The following VPS13B variants were observed in gnomAD, a reference collection of about 807,000 sequenced individuals.
VPS13B encodes the protein intermembrane lipid transfer protein VPS13B.
VPS13B carries 285 observed loss-of-function variants against 426.4 expected under a neutral mutation model. The observed-to-expected ratio is 0.67, with a 90% CI of 0.61 to 0.74. VPS13B has a LOEUF of 0.74. Ranked by LOEUF, VPS13B falls within the 30% of genes least tolerant of loss-of-function variation. VPS13B has a pLI of 0.00. For synonymous variants in VPS13B, 1,676 were observed against 1,676.4 expected (o/e 1.00, Z 0.01); for missense variants, 4,537 against 4,782.6 (o/e 0.95, Z 1.51).
chr8:99,477,629 T>C (rs1401343882), intron 24 of VPS13B, among the ~76,000 whole-genome samples: 1 of 152,220 alleles, frequency 6.6e-6, no homozygotes, highest in African/African-American at 2.4e-5. Flanking sequence ...GTGACCCTTG[T>C]ACACTATTGA....
intron 19 of VPS13B, among the ~76,000 whole-genome samples, chr8:99,362,859 A>T (rs565204819): frequency 7.2e-5 from 11 of 152,302 alleles, no homozygotes; most frequent in African/African-American, 2.6e-4. Context: ...ATAGTATGGT[A>T]GCTCTATATT....
rs1035582438 is a variant in VPS13B, at chr8:99,541,189, A to G, written c.4746-15261A>G. On this transcript the variant is annotated intron_variant, in intron 30 of 61. Transcript: ENST00000357162. The stretch of plus-strand genomic sequence containing the variant: ...TTCTGGTATCAATTAAAACTTATAT[A>G]AGAATTTATAAACAGAATAGACAAT... 4.6e-5 allele frequency among the ~76,000 whole-genome samples: 7 copies of G among 152,180 alleles called. No homozygotes were observed. The South Asian group carries it at 6.2e-4, about 13-fold the overall frequency.
At chr8:99,238,631 T>G (rs1816760352) in intron 17 of VPS13B, among the ~76,000 whole-genome samples, 1 of 152,200 alleles carries the variant, frequency 6.6e-6, no homozygotes, top group African/African-American at 2.4e-5. Context: ...ATGTTAATAC[T>G]GACAGTTATT....
intron 35 of VPS13B, among the ~76,000 whole-genome samples, chr8:99,682,379 C>T (rs1012067185): frequency 1.3e-5 from 2 of 152,112 alleles, no homozygotes; most frequent in African/African-American, 4.8e-5. Flanking sequence ...ATTAGGCTAT[C>T]TAAAAATTAG....
chr8:99,781,753 C>T (rs998783988), intron 42 of VPS13B, among the ~76,000 whole-genome samples: 2 of 152,072 alleles, frequency 1.3e-5, no homozygotes, highest in African/African-American at 2.4e-5. Flanking sequence ...GCTCAAGCCC[C>T]ATCTGGTAAC....
intron 40 of VPS13B, among the ~76,000 whole-genome samples, chr8:99,775,500 G>T (rs1811695504): frequency 1.3e-5 from 2 of 152,216 alleles, no homozygotes; most frequent in African/African-American, 4.8e-5. Context: ...GCTCCTGTTA[G>T]CATTAATGCA....
intron 17 of VPS13B, among the ~76,000 whole-genome samples, chr8:99,214,365 G>A (rs1373285224): frequency 6.6e-6 from 1 of 152,040 alleles, no homozygotes; most frequent in African/African-American, 2.4e-5. Context: ...ATAGCTTATA[G>A]CCTTGTACTT....
rs1407032484 is a variant in VPS13B at position 99,418,523 on chromosome 8, T to TC, written c.3083-13013dup. ...TCTTTCTTTCTTTCTTTCCTTTCTT[T>TC]CTTTCTCTTTCTTTTCTTTTCTTTT... is the stretch of plus-strand genomic sequence containing the variant. On this transcript the variant is annotated intron_variant, in intron 21 of 61. Coordinates refer to ENST00000357162, the MANE Select transcript of VPS13B (RefSeq NM_152564.5). Among the ~76,000 whole-genome samples the TC allele has an allele frequency of 6.0e-3, 854 of 141,446 alleles. 2 individuals carry two copies. The highest frequency in any genetic ancestry group is 0.012 in the African/African-American group (433 of 37,270). The allele number at this position is 141,446 out of a possible 152,430, so 92.8% of individuals were successfully genotyped here. A position where few individuals can be genotyped will look rare whatever the true frequency, so the allele number is the denominator to read the frequency against.
intron 19 of VPS13B, among the ~76,000 whole-genome samples, chr8:99,282,528 G>A (rs969613364): frequency 1.2e-4 from 18 of 152,032 alleles, no homozygotes; most frequent in Non-Finnish European, 2.9e-5. Context: ...TACTTGGAAA[G>A]CTTTATACTT....
At chr8:99,481,844 A>G (rs1233770603) in intron 25 of VPS13B, 42 bp downstream of exon 25, 7 of 1,601,260 alleles carry the variant, frequency 4.4e-6, no homozygotes, top group Non-Finnish European at 5.1e-6. Flanking sequence ...GAAGGTTAAT[A>G]TATAACACAG....
At chr8:99,396,305 A>G (rs1326318262) in intron 21 of VPS13B, among the ~76,000 whole-genome samples, 1 of 152,198 alleles carries the variant, frequency 6.6e-6, no homozygotes, top group South Asian at 2.1e-4. Context: ...TATAATTAAG[A>G]CTATTGAGTC....
chr8:99,126,708 A>G (rs1217652640), intron 8 of VPS13B, among the ~76,000 whole-genome samples: 1 of 152,228 alleles, frequency 6.6e-6, no homozygotes, highest in Non-Finnish European at 1.5e-5. Flanking sequence ...ATATTTTGCT[A>G]TATTTTGAAC....
At chr8:99,740,277 A>C (rs1429363092) in intron 39 of VPS13B, among the ~76,000 whole-genome samples, 2 of 152,236 alleles carry the variant, frequency 1.3e-5, no homozygotes, top group African/African-American at 2.4e-5. Flanking sequence ...TAGAGAAAAA[A>C]GAATAAAAAG....
chr8:99,658,523 A>ATTAT lies in VPS13B; in HGVS notation c.5909-2811_5909-2808dup, dbSNP rs570386895. On this transcript the variant is annotated intron_variant, in intron 34 of 61. Coordinates refer to ENST00000357162, the MANE Select transcript of VPS13B (RefSeq NM_152564.5). Reference sequence around the variant, plus strand: ...TTGATTCTCTTAAACAATTATACAGATTATTTATTTATTTATTTATTTAAA... The same window carrying ATTAT: ...TTGATTCTCTTAAACAATTATACAGATTATTTATTTATTTATTTATTTATTTAAA... 5.3e-4 allele frequency among the ~76,000 whole-genome samples: 81 copies of ATTAT among 152,158 alleles called. 1 individual carries two copies. The highest frequency in any genetic ancestry group is 1.6e-3 in the African/African-American group (65 of 41,534).
At chr8:99,035,605 G>C (rs1438689737) in intron 2 of VPS13B, among the ~76,000 whole-genome samples, 3 of 152,052 alleles carry the variant, frequency 2.0e-5, no homozygotes, top group Non-Finnish European at 2.9e-5. Context: ...TTACTTTACA[G>C]CTATTGTGAT....
At chr8:99,337,909 G>C (rs1247954660) in intron 19 of VPS13B, among the ~76,000 whole-genome samples, 1 of 149,710 alleles carries the variant, frequency 6.7e-6, no homozygotes, top group Non-Finnish European at 1.5e-5. Context: ...TCAAGTTTTT[G>C]TTTTTTTTTT....
chr8:99,592,968 A>G (rs1439668338), intron 33 of VPS13B, among the ~76,000 whole-genome samples: 1 of 152,210 alleles, frequency 6.6e-6, no homozygotes, highest in African/African-American at 2.4e-5. Context: ...ACCCTAGAAG[A>G]AAATCTAGGC....
intron 19 of VPS13B, among the ~76,000 whole-genome samples, chr8:99,327,135 T>C (rs1277977258): frequency 1.3e-5 from 2 of 152,210 alleles, no homozygotes; most frequent in Non-Finnish European, 2.9e-5. Flanking sequence ...CTTCCAATTC[T>C]ATGTACATGT....
chr8:99,704,256 C>T (rs1354434939), intron 36 of VPS13B, among the ~76,000 whole-genome samples: 3 of 152,088 alleles, frequency 2.0e-5, no homozygotes, highest in African/African-American at 4.8e-5. Flanking sequence ...TACAAAATGC[C>T]TTTTCTCATG....
Sources: allele counts gnomAD v4.1 joint callset (sites outside exome capture counted in the v4.1 genomes callset), GRCh38; gene constraint gnomAD v4.1.1; transcripts MANE v1.5; gene names NCBI Gene and HGNC (gene_info 2026-07-23, HGNC 2026-07-21).